The following RGS7 variants were observed in gnomAD, a reference collection of about 807,000 sequenced individuals.
The protein encoded by RGS7 is regulator of G protein signaling 7, also known as regulator of G-protein signaling 7.
RGS7 carries 27 observed loss-of-function variants against 81.1 expected under a neutral mutation model. That is an observed-to-expected ratio of 0.33 (90% CI 0.25 to 0.46). The LOEUF is 0.46. Ranked by LOEUF, RGS7 falls within the 20% of genes least tolerant of loss-of-function variation. The pLI is 1.00. For synonymous variants in RGS7, 208 were observed against 207.7 expected, an observed-to-expected ratio of 1.00 and a Z score of -0.01; for missense variants, 396 against 607.4, an observed-to-expected ratio of 0.65 and a Z score of 3.66.
At chr1:240,936,747 T>A in intron 4 of RGS7, 41 bp from the exon 5 acceptor site, 1 of 1,446,988 alleles carries the variant, frequency 6.9e-7, no homozygotes, top group Non-Finnish European at 9.7e-7. Flanking sequence ...AAAAGCCTTT[T>A]AAATGTATTC....
chr1:241,004,698 C>T (rs898571912), intron 3 of RGS7, among the ~76,000 whole-genome samples: 11 of 138,272 alleles, frequency 8.0e-5, no homozygotes, highest in Admixed American at 1.4e-4. Context: ...AGCCCAGCAA[C>T]GCCTGTCCCT....
intron 2 of RGS7, among the ~76,000 whole-genome samples, chr1:241,338,516 A>G (rs1227817626): frequency 6.6e-6 from 1 of 152,128 alleles, no homozygotes; most frequent in African/African-American, 2.4e-5. Context: ...AAATATTTTA[A>G]AAAAATGTTT....
chr1:240,923,666 T>C (rs185299419), intron 6 of RGS7, among the ~76,000 whole-genome samples: 1 of 151,462 alleles, frequency 6.6e-6, no homozygotes, highest in Admixed American at 6.6e-5. Flanking sequence ...TTACAGCTCT[T>C]ATAAAACAAG....
intron 2 of RGS7, among the ~76,000 whole-genome samples, chr1:241,238,330 T>C (rs957164819): frequency 2.6e-5 from 4 of 152,206 alleles, no homozygotes; most frequent in East Asian, 3.8e-4. Context: ...TGACCTTGTA[T>C]AGATAATGCT....
chr1:240,779,446 C>T (rs536568188), intron 18 of RGS7, among the ~76,000 whole-genome samples: 2 of 152,076 alleles, frequency 1.3e-5, no homozygotes, highest in South Asian at 2.1e-4. Flanking sequence ...TGAACCACTG[C>T]GTCAGGCCTA....
intron 2 of RGS7, among the ~76,000 whole-genome samples, chr1:241,122,552 C>T (rs1375651759): frequency 2.0e-5 from 3 of 151,686 alleles, no homozygotes; most frequent in South Asian, 2.1e-4. Flanking sequence ...ACCCTAGCTA[C>T]TTGGGAGGCT....
intron 2 of RGS7, among the ~76,000 whole-genome samples, chr1:241,225,800 C>G (rs1204470774): frequency 6.6e-6 from 1 of 152,166 alleles, no homozygotes; most frequent in Non-Finnish European, 1.5e-5. Flanking sequence ...AACAGTCCAG[C>G]CTGAGCTAGA....
chr1:241,239,037 C>T (rs1221361042), intron 2 of RGS7, among the ~76,000 whole-genome samples: 6 of 143,828 alleles, frequency 4.2e-5, no homozygotes, highest in East Asian at 4.1e-4. Context: ...GGTGCGATCT[C>T]GGCTCACTGC....
intron 2 of RGS7, among the ~76,000 whole-genome samples, chr1:241,300,069 C>T (rs540569599): frequency 9.9e-5 from 15 of 151,286 alleles, no homozygotes; most frequent in African/African-American, 2.7e-4. Flanking sequence ...GAGCCGTGAT[C>T]ACGCCACTGC....
chr1:241,171,034 C>T (rs72758874), intron 2 of RGS7, among the ~76,000 whole-genome samples: 22,380 of 152,004 alleles, frequency 0.15, 2,048 homozygotes, highest in Middle Eastern at 0.25. Flanking sequence ...CTTTAATCAT[C>T]AGGAAAAAAA....
chr1:241,029,043 C>G (rs2059935547), intron 3 of RGS7, among the ~76,000 whole-genome samples: 1 of 152,152 alleles, frequency 6.6e-6, no homozygotes, highest in Non-Finnish European at 1.5e-5. Context: ...GAAATCAATA[C>G]GATTGAAGAG....
intron 2 of RGS7, among the ~76,000 whole-genome samples, chr1:241,134,843 G>A (rs2067375171): frequency 6.6e-6 from 1 of 152,176 alleles, no homozygotes; most frequent in Non-Finnish European, 1.5e-5. Context: ...TTCAGGCCCA[G>A]TCCCAAGGCG....
chr1:240,785,387 C>T (rs1684893197), intron 18 of RGS7, among the ~76,000 whole-genome samples: 1 of 152,192 alleles, frequency 6.6e-6, no homozygotes, highest in South Asian at 2.1e-4. Flanking sequence ...TAAACTCCTC[C>T]GGTTCCCTCT....
intron 2 of RGS7, among the ~76,000 whole-genome samples, chr1:241,160,472 G>A (rs781118113): frequency 4.6e-5 from 7 of 151,276 alleles, no homozygotes; most frequent in African/African-American, 7.3e-5. Context: ...TCCCCTGAAC[G>A]GTGTGTGGAA....
chr1:240,845,616 T>C (rs1658931451), intron 9 of RGS7, among the ~76,000 whole-genome samples: 1 of 152,232 alleles, frequency 6.6e-6, no homozygotes, highest in African/African-American at 2.4e-5. Context: ...TTCTCTTATT[T>C]GTTAATTAAG....
At chr1:240,867,842 A>G (rs1249359390) in intron 9 of RGS7, among the ~76,000 whole-genome samples, 1 of 151,982 alleles carries the variant, frequency 6.6e-6, no homozygotes, top group Non-Finnish European at 1.5e-5. Context: ...CTCTATCAAA[A>G]ATACAAAAAA....
chr1:241,123,472 C>T (rs529702412), intron 2 of RGS7, among the ~76,000 whole-genome samples: 7 of 152,282 alleles, frequency 4.6e-5, no homozygotes, highest in Non-Finnish European at 7.4e-5. Context: ...GAACATGGGC[C>T]GGACACGGTG....
chr1:240,967,753 TG>T (rs929306443), intron 4 of RGS7, among the ~76,000 whole-genome samples: 2 of 152,166 alleles, frequency 1.3e-5, no homozygotes, highest in Non-Finnish European at 2.9e-5. Flanking sequence ...CAAAGAAGAC[TG>T]GACAGACAGA....
intron 9 of RGS7, among the ~76,000 whole-genome samples, chr1:240,844,036 G>T (rs1205624658): frequency 6.6e-6 from 1 of 152,186 alleles, no homozygotes; most frequent in Non-Finnish European, 1.5e-5. Context: ...GCATGCCTGA[G>T]TGTGTTTGTA....
Sources: gnomAD v4.1 joint callset for allele counts (sites outside exome capture counted in the v4.1 genomes callset) on GRCh38, gnomAD v4.1.1 for gene constraint, MANE v1.5 for transcripts, NCBI Gene and HGNC (gene_info 2026-07-23, HGNC 2026-07-21) for gene names.